GPSM1: variants seen among roughly 807,000 people sequenced by gnomAD.
GPSM1 encodes the protein G protein signaling modulator 1, also known as G protein-signaling modulator 1.
In GPSM1, 48 loss-of-function variants were observed where a neutral mutation model predicts 70.5. The observed-to-expected ratio is 0.68, with a 90% CI of 0.54 to 0.87. GPSM1 has a LOEUF of 0.87. Ranked by LOEUF, GPSM1 falls within the 40% of genes least tolerant of loss-of-function variation. GPSM1 has a pLI of 0.00. For synonymous variants in GPSM1, 416 were observed against 430.1 expected (o/e 0.97, Z 0.41); for missense variants, 981 against 972.6 (o/e 1.01, Z -0.11).
chr9:136,354,489 C>G (rs1220892161), intron 11 of GPSM1, among the ~76,000 whole-genome samples: 1 of 152,260 alleles, frequency 6.6e-6, no homozygotes, highest in Non-Finnish European at 1.5e-5. Flanking sequence ...CTCTTGTTAA[C>G]TCGTTCAGCT....
intron 11 of GPSM1, among the ~76,000 whole-genome samples, chr9:136,352,127 G>A (rs1185378215): frequency 6.9e-6 from 1 of 145,722 alleles, no homozygotes; most frequent in Admixed American, 6.7e-5. Context: ...CGCCGTTGCT[G>A]TTGGTGACAC....
chr9:136,348,552 G>A (rs1487555741), intron 9 of GPSM1, 145 bp from the exon 10 acceptor site: 8 of 593,992 alleles, frequency 1.3e-5, no homozygotes, highest in South Asian at 2.2e-5. Flanking sequence ...AGGACACTCA[G>A]ACATGGCGCT....
chr9:136,351,857 A>T (rs1481956972), intron 11 of GPSM1, among the ~76,000 whole-genome samples: 1 of 152,254 alleles, frequency 6.6e-6, no homozygotes, highest in East Asian at 1.9e-4. Flanking sequence ...CGAGGTCAGA[A>T]CCTTGGGTAC....
intron 9 of GPSM1, among the ~76,000 whole-genome samples, chr9:136,345,140 G>A (rs1393291879): frequency 1.3e-5 from 2 of 152,240 alleles, no homozygotes; most frequent in Non-Finnish European, 2.9e-5. Flanking sequence ...GGCGGGGCGG[G>A]TGCTGCCCTG....
In GPSM1 at chr9:136,331,364, G is replaced by GCT. The variant is rs1292130513; in HGVS notation, c.69-3082_69-3081insTC. On this transcript the variant is annotated intron_variant, in intron 1 of 13. Coordinates refer to ENST00000440944, the MANE Select transcript of GPSM1 (RefSeq NM_001145638.3). The stretch of plus-strand genomic sequence containing the variant: ...GGGGCTGGCATGGTGAGGACTCTGA[G>GCT]CCCCCCCCCCCCGCTGCCCCATGCT... Among the ~76,000 whole-genome samples the GCT allele has an allele frequency of 2.3e-3, 295 of 126,670 alleles. 6 individuals are homozygous for GCT. Among genetic ancestry groups the GCT allele is most frequent in the African/African-American group, 8.7e-3 (280 of 32,150 alleles). The allele number at this position is 126,670 out of a possible 152,430, so 83.1% of individuals were successfully genotyped here.
chr9:136,356,831 C>T lies in GPSM1; in HGVS notation c.1821+281C>T, dbSNP rs868986444. 7.9e-5 allele frequency among the ~76,000 whole-genome samples: 12 copies of T among 152,270 alleles called. No individual in the cohort carries two copies. In the Middle Eastern group the frequency reaches 0.014, roughly 173 times the overall value. The stretch of plus-strand genomic sequence containing the variant: ...GCCACCCCCCTGCCATGCAGGAACT[C>T]GGGGTGGGGGCTGGGGGGTCACAGG... On this transcript the variant is annotated intron_variant, in intron 13 of 13. Transcript: ENST00000440944.
rs112913364 is a variant in GPSM1, at chr9:136,358,190, C to A, written c.1998C>A (p.Pro666=). 6.4e-7 allele frequency: 1 copy of A among 1,564,538 alleles called. No homozygotes were observed. Among genetic ancestry groups the A allele is most frequent in the Non-Finnish European group, 8.6e-7 (1 of 1,157,920 alleles). Residue 666 remains proline (P), a synonymous_variant, in exon 14 of 14, where the codon CCC becomes CCA. Coordinates refer to ENST00000440944, the MANE Select transcript of GPSM1 (RefSeq NM_001145638.3). The part of the protein sequence containing the change: ...PEQGAGGPPE[P]QQQCQPGAS ...AGGGGGCAGGCGGCCCGCCCGAGCC[C>A]CAGCAGCAGTGCCAGCCTGGTGCGA...
At position 136,328,106 on chromosome 9, in the gene GPSM1, C is replaced by T. The variant is rs577914154; in HGVS notation, c.68+343C>T. On this transcript the variant is annotated intron_variant, in intron 1 of 13. Coordinates refer to ENST00000440944, the MANE Select transcript of GPSM1 (RefSeq NM_001145638.3). Reference sequence around the variant, plus strand: ...CTGCCATGCCCGGGGCACTCAGGGGCATCATGGCCAAAGAGACCTGGCTGC... The same window carrying T: ...CTGCCATGCCCGGGGCACTCAGGGGTATCATGGCCAAAGAGACCTGGCTGC... Among the ~76,000 whole-genome samples, 3 of 152,298 alleles carry T rather than the reference C, an allele frequency of 2.0e-5. No individual in the cohort carries two copies. The South Asian group carries it at 6.2e-4, about 32-fold the overall frequency.
At chr9:136,328,442 C>G (rs80284195) in intron 1 of GPSM1, among the ~76,000 whole-genome samples, 2 of 152,186 alleles carry the variant, frequency 1.3e-5, no homozygotes, top group African/African-American at 4.8e-5. Flanking sequence ...CAGAGCCACA[C>G]GAGCGTGAGG....
At position 136,339,782 on chromosome 9, in the gene GPSM1, C is replaced by T; in HGVS notation, c.1050C>T (p.Thr350=). ...VSMGRPAQAL[T]FAKKHLQISQ... is the part of the protein sequence containing the mutation. Reference sequence around the variant, plus strand: ...TGGGGCGCCCAGCGCAGGCCCTGACCTTCGCCAAGAAGCACCTGCAGATCT... The same window carrying T: ...TGGGGCGCCCAGCGCAGGCCCTGACTTTCGCCAAGAAGCACCTGCAGATCT... Residue 350 remains threonine, a synonymous_variant, in exon 8 of 14, where the codon ACC becomes ACT. Coordinates refer to ENST00000440944, the MANE Select transcript of GPSM1 (RefSeq NM_001145638.3). 4 of 1,549,706 alleles carry T rather than the reference C, an allele frequency of 2.6e-6. No homozygotes were observed. Among genetic ancestry groups the T allele is most frequent in the Non-Finnish European group, 3.5e-6 (4 of 1,146,310 alleles).
rs1458314866 is a variant in GPSM1, at chr9:136,356,631, T to A, written c.1821+81T>A. The A allele has an allele frequency of 4.0e-5, 41 of 1,037,110 alleles. 1 individual carries two copies. The East Asian group carries it at 6.8e-4, about 17-fold the overall frequency. 64.2% of individuals were successfully genotyped at this position (1,037,110 alleles called of 1,614,324 possible). On this transcript the variant is annotated intron_variant, in intron 13 of 13. Coordinates refer to ENST00000440944, the MANE Select transcript of GPSM1 (RefSeq NM_001145638.3). ...TGGAGGCAACTTGTGTCCTGAGGGG[T>A]GAGGTGGGCGCTGGTTCTGCCATCT...
chr9:136,344,904 A>G (rs782788268), intron 9 of GPSM1, among the ~76,000 whole-genome samples: 3 of 152,188 alleles, frequency 2.0e-5, no homozygotes, highest in Non-Finnish European at 4.4e-5. Flanking sequence ...GGCAAGGCCT[A>G]GGCCAGCCCT....
rs782318613 is a variant in GPSM1 at position 136,356,370 on chromosome 9, G to A, written c.1641G>A (p.Gln547=). ...AGCCCTCGATGACGGCCTCGCCCCA[G>A]ACCGAGGAATTCTTCGACCTCATCG... The part of the protein sequence containing the change: ...IAQPSMTASP[Q]TEEFFDLIAS... The change falls in exon 13 of 14, where the codon CAG becomes CAA. Residue 547 remains glutamine, a synonymous_variant. Coordinates refer to ENST00000440944, the MANE Select transcript of GPSM1 (RefSeq NM_001145638.3). 3.7e-6 allele frequency: 6 copies of A among 1,602,886 alleles called. No homozygotes were observed. The highest frequency in any genetic ancestry group is 5.1e-6 in the Non-Finnish European group (6 of 1,173,698).
chr9:136,331,439 C>T (rs544001557), intron 1 of GPSM1, among the ~76,000 whole-genome samples: 28 of 147,484 alleles, frequency 1.9e-4, no homozygotes, highest in African/African-American at 5.8e-4. Flanking sequence ...CAGGTGGGGT[C>T]GGGTGGAGCA....
intron 10 of GPSM1, among the ~76,000 whole-genome samples, chr9:136,349,047 G>T (rs1398146812): frequency 6.6e-6 from 1 of 152,232 alleles, no homozygotes; most frequent in African/African-American, 2.4e-5. Flanking sequence ...GGAGCCCACA[G>T]ACAGGGGCAC....
At chr9:136,355,873 CCCTTG>C in intron 12 of GPSM1, 27 bp downstream of exon 12, 1 of 1,578,916 alleles carries the variant, frequency 6.3e-7, no homozygotes. Context: ...GCCGGGCCCT[CCCTTG>C]GGCTTGTCTG....
In GPSM1 at chr9:136,341,567, G is replaced by T. The variant is rs1362941629; in HGVS notation, c.1207+574G>T. The T allele has an allele frequency of 8.7e-6, 9 of 1,028,622 alleles. No individual in the cohort carries two copies. Among genetic ancestry groups the T allele is most frequent in the Admixed American group, 5.0e-5 (1 of 19,930 alleles). 63.7% of individuals were successfully genotyped at this position (1,028,622 alleles called of 1,614,324 possible). A position where few individuals can be genotyped will look rare whatever the true frequency, so the allele number is the denominator to read the frequency against. On this transcript the variant is annotated intron_variant, in intron 9 of 13. Coordinates refer to ENST00000440944, the MANE Select transcript of GPSM1 (RefSeq NM_001145638.3). The surrounding 1 kb of genome is among the most constrained non-coding windows in gnomAD (Gnocchi z 6.7). ...GAAAAGACTAATAGGTGCCAGGGGG[G>T]TGGTGCCAGGTTGGGCCGACTTCCT...
At chr9:136,332,963 C>T (rs28593092) in intron 1 of GPSM1, among the ~76,000 whole-genome samples, 42,244 of 151,548 alleles carry the variant, frequency 0.28, 6,750 homozygotes, top group Middle Eastern at 0.44. Context: ...GAGCCGAGAT[C>T]GCACCACTGC....
At chr9:136,337,283 A>G (rs1321354466) in intron 4 of GPSM1, among the ~76,000 whole-genome samples, 158 bp from the exon 5 acceptor site, 1 of 152,138 alleles carries the variant, frequency 6.6e-6, no homozygotes, top group Non-Finnish European at 1.5e-5. Flanking sequence ...ACCAAGCCCC[A>G]GGTCTCAGAG....
Sources: allele counts gnomAD v4.1 joint callset (sites outside exome capture counted in the v4.1 genomes callset), GRCh38; gene constraint gnomAD v4.1.1; non-coding constraint Gnocchi (gnomAD v3.1); transcripts MANE v1.5; gene names NCBI Gene and HGNC (gene_info 2026-07-23, HGNC 2026-07-21).